Variants in PKNOX1 observed in about 807,000 individuals in gnomAD.
The protein encoded by PKNOX1 is homeobox protein PKNOX1.
PKNOX1 carries 15 observed loss-of-function variants against 51.9 expected under a neutral mutation model. That is an observed-to-expected ratio of 0.29 (90% CI 0.19 to 0.45). The LOEUF is 0.45. PKNOX1 is among the 20% of genes least tolerant of loss of function. The probability of loss-of-function intolerance (pLI) is 1.00; values close to 1 mark genes in which losing one functional copy is unlikely to be tolerated. For missense variants in PKNOX1, 462 were observed against 547.5 expected, an observed-to-expected ratio of 0.84 and a Z score of 1.56; for synonymous variants, 219 against 211.1, an observed-to-expected ratio of 1.04 and a Z score of -0.32.
At chr21:42,984,465 C>T (rs2059041730) in intron 1 of PKNOX1, among the ~76,000 whole-genome samples, 1 of 151,688 alleles carries the variant, frequency 6.6e-6, no homozygotes, top group Non-Finnish European at 1.5e-5. Flanking sequence ...CTTGGCTCAC[C>T]ACAACCTCCA....
At chr21:42,994,730 G>A (rs962255534) in intron 1 of PKNOX1, among the ~76,000 whole-genome samples, 1 of 151,990 alleles carries the variant, frequency 6.6e-6, no homozygotes, top group Non-Finnish European at 1.5e-5. Context: ...TCAAAATGGT[G>A]ATATTTATGC....
intron 1 of PKNOX1, among the ~76,000 whole-genome samples, chr21:42,996,430 C>T (rs986587140): frequency 2.1e-5 from 3 of 144,108 alleles, no homozygotes; most frequent in African/African-American, 5.0e-5. Context: ...CATAAACACT[C>T]GGGGAGTCCC....
At chr21:42,999,421 C>G (rs1978647509) in intron 1 of PKNOX1, among the ~76,000 whole-genome samples, 1 of 152,200 alleles carries the variant, frequency 6.6e-6, no homozygotes, top group South Asian at 2.1e-4. Flanking sequence ...TTAGGCTCCT[C>G]ATTACTTATG....
chr21:43,022,328 C>T (rs1979798684), intron 8 of PKNOX1, among the ~76,000 whole-genome samples: 1 of 152,220 alleles, frequency 6.6e-6, no homozygotes, highest in African/African-American at 2.4e-5. Context: ...CTGTCCTTGC[C>T]CTCCCCTGAC....
intron 1 of PKNOX1, among the ~76,000 whole-genome samples, chr21:42,985,353 G>A (rs2146228985): frequency 6.6e-6 from 1 of 151,858 alleles, no homozygotes; most frequent in South Asian, 2.1e-4. Context: ...TGTTTGTTTT[G>A]AGACGGAGTC....
chr21:42,975,244 A>AC (rs1408198436), intron 1 of PKNOX1, among the ~76,000 whole-genome samples: 1 of 122,260 alleles, frequency 8.2e-6, no homozygotes, highest in African/African-American at 3.2e-5. Context: ...GGCGGCCGCG[A>AC]CCCCGGCCCC....
chr21:42,999,157 T>C (rs234760), intron 1 of PKNOX1, among the ~76,000 whole-genome samples: 140,026 of 152,346 alleles, frequency 0.92, 64,574 homozygotes, highest in African/African-American at 0.98. Flanking sequence ...CCCAATGCCA[T>C]GTGGAAGCTG....
At chr21:43,025,389 G>A (rs1979944709) in intron 9 of PKNOX1, among the ~76,000 whole-genome samples, 1 of 152,216 alleles carries the variant, frequency 6.6e-6, no homozygotes, top group South Asian at 2.1e-4. Context: ...CCTCTGGATG[G>A]TGGGAGGCCA....
chr21:43,006,499 TA>T (rs939217307), intron 2 of PKNOX1, among the ~76,000 whole-genome samples: 14 of 152,222 alleles, frequency 9.2e-5, no homozygotes, highest in South Asian at 6.2e-4. Context: ...TTATTGCTTT[TA>T]TTTTTTTTTT....
chr21:43,001,749 A>G (rs1978763255), intron 1 of PKNOX1, among the ~76,000 whole-genome samples: 1 of 152,016 alleles, frequency 6.6e-6, no homozygotes, highest in Non-Finnish European at 1.5e-5. Context: ...TCACAAGGTC[A>G]GGAGATCGAG....
At chr21:43,014,731 T>C (rs1165733180) in intron 5 of PKNOX1, among the ~76,000 whole-genome samples, 2 of 152,220 alleles carry the variant, frequency 1.3e-5, no homozygotes, top group East Asian at 3.8e-4. Flanking sequence ...GTTGTCCATT[T>C]TGCATTTAAA....
rs993924943 is a variant in PKNOX1, at chr21:43,030,718, C to T, written c.*617C>T. The T allele has an allele frequency of 3.3e-5, 5 of 152,606 alleles. No individual in the cohort carries two copies. The highest frequency in any genetic ancestry group is 2.1e-4 in the South Asian group (1 of 4,824). The allele number at this position is 152,606 out of a possible 1,614,324, so 9.5% of individuals were successfully genotyped here. On this transcript the variant is annotated 3_prime_UTR_variant, in exon 11 of 11. Coordinates refer to ENST00000291547, the MANE Select transcript of PKNOX1 (RefSeq NM_004571.5). ...GATAAAAAAGCTATTTTTATAAATT[C>T]GTTATGAATTGGATGATGACTATAT...
chr21:43,015,093 T>C (rs994027726), intron 5 of PKNOX1, among the ~76,000 whole-genome samples: 1 of 152,270 alleles, frequency 6.6e-6, no homozygotes, highest in African/African-American at 2.4e-5. Flanking sequence ...GTTTTTAGAA[T>C]TATACCCAAG....
chr21:42,989,021 C>A (rs1033680507), intron 1 of PKNOX1, among the ~76,000 whole-genome samples: 2 of 150,912 alleles, frequency 1.3e-5, no homozygotes, highest in Non-Finnish European at 3.0e-5. Flanking sequence ...TGGATGAGGA[C>A]CCCCTCACTG....
intron 6 of PKNOX1, 108 bp downstream of exon 6, chr21:43,017,115 A>T (rs1405005568): frequency 1.5e-6 from 1 of 687,620 alleles, no homozygotes; most frequent in African/African-American, 1.8e-5. Flanking sequence ...CCATTTTCTA[A>T]TATAGCAATG....
At position 43,029,916 on chromosome 21, in the gene PKNOX1, G is replaced by A. The variant is rs765836231; in HGVS notation, c.1126G>A (p.Val376Met). Reference protein sequence around the residue: ...EGAVVTITTPVNMNVDSLQSL... With the variant: ...EGAVVTITTPMNMNVDSLQSL... ...AGCTGTTGTCACCATCACCACGCCC[G>A]TGAACATGAACGTGGACAGCCTTCA... Residue 376 changes from valine to methionine, a missense_variant, in exon 11 of 11, where the codon GTG becomes ATG. This residue lies in a region of PKNOX1 where 118 missense variants were observed against 116.8 expected (regional missense o/e 1.01). Transcript: ENST00000291547. 4.6e-5 allele frequency: 75 copies of A among 1,613,950 alleles called. No homozygotes were observed. Among genetic ancestry groups the A allele is most frequent in the African/African-American group, 1.1e-4 (8 of 74,932 alleles).
intron 7 of PKNOX1, among the ~76,000 whole-genome samples, chr21:43,018,438 A>G (rs533718383): frequency 3.6e-5 from 5 of 138,768 alleles, no homozygotes; most frequent in African/African-American, 1.1e-4. Context: ...TTCTGAAAGA[A>G]CAGGAAAAAA....
intron 1 of PKNOX1, among the ~76,000 whole-genome samples, chr21:43,000,023 GT>G (rs1456307194): frequency 6.6e-6 from 1 of 151,950 alleles, no homozygotes; most frequent in African/African-American, 2.4e-5. Flanking sequence ...CTTTGCTCCA[GT>G]TCCCAACAAG....
intron 1 of PKNOX1, among the ~76,000 whole-genome samples, chr21:42,987,164 C>T (rs573436124): frequency 2.0e-4 from 31 of 151,764 alleles, no homozygotes; most frequent in African/African-American, 7.3e-4. Flanking sequence ...GGCAGATCAC[C>T]TGAGGCCAGG....
Sources: gnomAD v4.1 joint callset for allele counts (sites outside exome capture counted in the v4.1 genomes callset) on GRCh38, gnomAD v4.1.1 for gene constraint, gnomAD v4.1.1 regional missense constraint, MANE v1.5 for transcripts, NCBI Gene and HGNC (gene_info 2026-07-23, HGNC 2026-07-21) for gene names.